The following MCTP1 variants were observed in gnomAD, a reference collection of about 807,000 sequenced individuals.
MCTP1 encodes the protein multiple C2 and transmembrane domain-containing protein 1.
In MCTP1, 69 loss-of-function variants were observed where a neutral mutation model predicts 120.6. The ratio of observed to expected loss-of-function variants is 0.57; its 90% CI spans 0.47 to 0.70. MCTP1 has a LOEUF of 0.70. Among genes scored for constraint, MCTP1 ranks in the 30% least tolerant of loss-of-function variants. The pLI, the probability that MCTP1 is intolerant of heterozygous loss-of-function variation, is 0.00. For synonymous variants in MCTP1, 529 were observed against 493.1 expected (o/e 1.07, Z -0.96); for missense variants, 1,203 against 1,248.8 (o/e 0.96, Z 0.55).
At chr5:94,932,410 T>G (rs1814992542) in intron 5 of MCTP1, among the ~76,000 whole-genome samples, 2 of 152,010 alleles carry the variant, frequency 1.3e-5, no homozygotes, top group South Asian at 4.1e-4. Context: ...CATCGTAGAA[T>G]TGTCTCTGTT....
intron 19 of MCTP1, among the ~76,000 whole-genome samples, chr5:94,734,871 G>C (rs913954542): frequency 1.3e-5 from 2 of 152,010 alleles, no homozygotes; most frequent in Non-Finnish European, 2.9e-5. Flanking sequence ...GTGTTGAAAA[G>C]CTTCCTCATT....
rs534640633 is a variant in MCTP1 at position 95,205,152 on chromosome 5, A to C, written c.720+78704T>G. On this transcript the variant is annotated intron_variant, in intron 1 of 22. Transcript: ENST00000515393. ...TGTCATGAGAACAGAAATACAGATA[A>C]ATGGAATAGAACTGAGAGTCCATGA... Among the ~76,000 whole-genome samples, 3 of 152,302 alleles carry C rather than the reference A, an allele frequency of 2.0e-5. No individual in the cohort carries two copies. In the South Asian group the frequency reaches 6.2e-4, roughly 32 times the overall value.
rs116816615 is a variant in MCTP1 at position 94,810,371 on chromosome 5, G to A, written c.2437-11239C>T. ...ACCAATGTTTGCTGATGTACAAAAT[G>A]TAAAATTTCCCTAAGCTTGAAATCT... On this transcript the variant is annotated intron_variant, in intron 17 of 22. Transcript: ENST00000515393. Among the ~76,000 whole-genome samples, 1,254 of 152,252 alleles carry A rather than the reference G, an allele frequency of 8.2e-3. 12 individuals carry two copies. The highest frequency in any genetic ancestry group is 0.029 in the African/African-American group (1,205 of 41,552).
chr5:95,019,916 G>C (rs1837868478), intron 1 of MCTP1, among the ~76,000 whole-genome samples: 1 of 152,036 alleles, frequency 6.6e-6, no homozygotes, highest in African/African-American at 2.4e-5. Flanking sequence ...GTATACGTGG[G>C]TCTAATTAAT....
intron 19 of MCTP1, chr5:94,739,390 C>G (rs1018070618): frequency 6.6e-6 from 1 of 152,288 alleles, no homozygotes; most frequent in Admixed American, 6.5e-5. Flanking sequence ...CTGATTAAAA[C>G]CACCGCAACA....
chr5:94,844,743 C>G (rs1791932074), intron 17 of MCTP1, among the ~76,000 whole-genome samples: 1 of 152,180 alleles, frequency 6.6e-6, no homozygotes, highest in South Asian at 2.1e-4. Context: ...TGATGATTTT[C>G]TAAAAATAGA....
intron 17 of MCTP1, among the ~76,000 whole-genome samples, chr5:94,828,872 G>C (rs923561186): frequency 1.3e-5 from 2 of 152,194 alleles, no homozygotes; most frequent in African/African-American, 4.8e-5. Context: ...GTGGATCTTA[G>C]CTTACTGGTC....
intron 17 of MCTP1, among the ~76,000 whole-genome samples, chr5:94,802,789 C>A (rs1299149155): frequency 6.6e-6 from 1 of 152,128 alleles, no homozygotes; most frequent in African/African-American, 2.4e-5. Context: ...TCACAGAATA[C>A]AAAAATAAAC....
chr5:95,226,361 C>T (rs2152630527), intron 1 of MCTP1, among the ~76,000 whole-genome samples: 1 of 152,260 alleles, frequency 6.6e-6, no homozygotes, highest in South Asian at 2.1e-4. Flanking sequence ...GTTCGCCTCC[C>T]TCTGCCTTGA....
intron 19 of MCTP1, among the ~76,000 whole-genome samples, chr5:94,736,293 A>T (rs1764213874): frequency 6.6e-6 from 1 of 152,158 alleles, no homozygotes; most frequent in Non-Finnish European, 1.5e-5. Flanking sequence ...ATTTGAGACC[A>T]GCCTGGGCAA....
At chr5:94,909,595 G>GA (rs2153435254) in intron 9 of MCTP1, among the ~76,000 whole-genome samples, 1 of 152,074 alleles carries the variant, frequency 6.6e-6, no homozygotes, top group South Asian at 2.1e-4. Flanking sequence ...GATGTGTCCT[G>GA]AAAATCACAA....
chr5:94,905,836 A>G (rs181318487), intron 10 of MCTP1, among the ~76,000 whole-genome samples: 1 of 152,296 alleles, frequency 6.6e-6, no homozygotes, highest in East Asian at 1.9e-4. Flanking sequence ...TTGTGAATCA[A>G]TGAAGTCACC....
At chr5:94,906,952 T>C (rs1807074183) in intron 10 of MCTP1, among the ~76,000 whole-genome samples, 1 of 152,216 alleles carries the variant, frequency 6.6e-6, no homozygotes, top group Non-Finnish European at 1.5e-5. Flanking sequence ...ATGATTATGA[T>C]GACAGTTTTA....
intron 1 of MCTP1, among the ~76,000 whole-genome samples, chr5:95,125,124 A>G (rs1438965298): frequency 6.6e-6 from 1 of 152,228 alleles, no homozygotes; most frequent in Non-Finnish European, 1.5e-5. Flanking sequence ...TGTTTTGTGC[A>G]GAAGAGAAGG....
intron 1 of MCTP1, among the ~76,000 whole-genome samples, chr5:95,184,046 T>C (rs762464577): frequency 9.2e-5 from 14 of 151,974 alleles, no homozygotes; most frequent in Non-Finnish European, 2.1e-4. Context: ...TTAGAAGAAA[T>C]ACTTAATGTG....
At chr5:95,081,803 T>G in intron 1 of MCTP1, 1 of 1,065,624 alleles carries the variant, frequency 9.4e-7, no homozygotes, top group Non-Finnish European at 1.1e-6. Flanking sequence ...ATACTCACAT[T>G]AAATACTAAA....
chr5:95,104,479 G>C (rs944720965), intron 1 of MCTP1, among the ~76,000 whole-genome samples: 5 of 152,152 alleles, frequency 3.3e-5, no homozygotes, highest in African/African-American at 1.2e-4. Flanking sequence ...TAATGCTTTT[G>C]TTATTTTATG....
chr5:95,098,946 A>G (rs1405482261), intron 1 of MCTP1, among the ~76,000 whole-genome samples: 1 of 152,184 alleles, frequency 6.6e-6, no homozygotes, highest in Non-Finnish European at 1.5e-5. Flanking sequence ...GGAACAGAAC[A>G]GAGCCCTCAG....
At chr5:94,903,637 G>A (rs188136551) in intron 10 of MCTP1, among the ~76,000 whole-genome samples, 8 of 152,120 alleles carry the variant, frequency 5.3e-5, no homozygotes, top group Non-Finnish European at 1.2e-4. Context: ...TGACTCAAGC[G>A]TACATTGGTA....
Sources: gnomAD v4.1 joint callset for allele counts (sites outside exome capture counted in the v4.1 genomes callset) on GRCh38, gnomAD v4.1.1 for gene constraint, MANE v1.5 for transcripts, NCBI Gene and HGNC (gene_info 2026-07-23, HGNC 2026-07-21) for gene names.